MCC: variants seen among roughly 807,000 people sequenced by gnomAD.
MCC encodes MCC regulator of Wnt signaling pathway, also known as colorectal mutant cancer protein.
Under a neutral mutation model 116.2 loss-of-function variants are expected in MCC, and 90 were observed. That is an observed-to-expected ratio of 0.77 (90% CI 0.65 to 0.92). The LOEUF (loss-of-function observed/expected upper bound fraction) is 0.92. MCC is among the 40% of genes least tolerant of loss of function. MCC has a pLI of 0.00. For synonymous variants in MCC, 578 were observed against 510.5 expected (o/e 1.13, Z -1.78); for missense variants, 1,516 against 1,312.2 (o/e 1.16, Z -2.40).
chr5:113,290,077 G>C (rs1766424230), intron 3 of MCC, among the ~76,000 whole-genome samples: 1 of 152,194 alleles, frequency 6.6e-6, no homozygotes, highest in African/African-American at 2.4e-5. Flanking sequence ...CTTGGAGATA[G>C]TCACACAAGA....
chr5:113,473,430 G>A (rs1409588652), intron 1 of MCC, among the ~76,000 whole-genome samples: 13 of 152,166 alleles, frequency 8.5e-5, no homozygotes, highest in East Asian at 1.9e-4. Flanking sequence ...AGCCTGATGC[G>A]GGAGGGTTAC....
At chr5:113,487,066 T>C (rs985145963) in intron 1 of MCC, among the ~76,000 whole-genome samples, 1 of 152,186 alleles carries the variant, frequency 6.6e-6, no homozygotes, top group African/African-American at 2.4e-5. Context: ...AGTTTTCTGA[T>C]ATCTTCCTAA....
chr5:113,088,383 T>C (rs1755352564), intron 8 of MCC, among the ~76,000 whole-genome samples: 2 of 151,822 alleles, frequency 1.3e-5, no homozygotes, highest in African/African-American at 4.8e-5. Context: ...ACTTTTATTC[T>C]CACCCATTGT....
At position 113,226,519 on chromosome 5, in the gene MCC, A is replaced by G. The variant is rs192738736; in HGVS notation, c.628-75097T>C. On this transcript the variant is annotated intron_variant, in intron 3 of 18. Coordinates refer to ENST00000408903, the MANE Select transcript of MCC (RefSeq NM_001085377.2). ...TTCAAATGACAGCTTTTATTTTCAA[A>G]TTAAATTATGTGTGTGTTTAAATGC... Among the ~76,000 whole-genome samples the G allele has an allele frequency of 2.1e-4, 32 of 152,392 alleles. 1 individual carries two copies. Among genetic ancestry groups the G allele is most frequent in the Admixed American group, 5.9e-4 (9 of 15,304 alleles).
At chr5:113,385,342 G>C in intron 1 of MCC, 130 bp from the exon 2 acceptor site, 5 of 974,556 alleles carry the variant, frequency 5.1e-6, no homozygotes, top group Non-Finnish European at 7.6e-6. Flanking sequence ...CTTTCTCATT[G>C]TTTCTAGAAA....
chr5:113,483,914 G>A (rs1054211589), intron 1 of MCC, among the ~76,000 whole-genome samples: 9 of 152,086 alleles, frequency 5.9e-5, no homozygotes, highest in Non-Finnish European at 7.4e-5. Context: ...GGGACTGGAG[G>A]CCATTACCCT....
chr5:113,327,753 G>C (rs1285557055), intron 3 of MCC, among the ~76,000 whole-genome samples: 1 of 150,266 alleles, frequency 6.7e-6, no homozygotes, highest in Middle Eastern at 3.2e-3. Context: ...TGACATTTGG[G>C]CTTTTTAAGT....
chr5:113,168,228 T>C (rs1376194159), intron 3 of MCC, among the ~76,000 whole-genome samples: 2 of 152,216 alleles, frequency 1.3e-5, no homozygotes, highest in Non-Finnish European at 2.9e-5. Context: ...TGTACATGCT[T>C]GTGGAAACAA....
At chr5:113,442,052 T>G (rs2150415964) in intron 1 of MCC, among the ~76,000 whole-genome samples, 1 of 152,344 alleles carries the variant, frequency 6.6e-6, no homozygotes. Flanking sequence ...TTCTAGATCC[T>G]TGAGGAATCC....
At chr5:113,096,329 T>G (rs1756013809) in intron 8 of MCC, among the ~76,000 whole-genome samples, 1 of 152,142 alleles carries the variant, frequency 6.6e-6, no homozygotes, top group Non-Finnish European at 1.5e-5. Flanking sequence ...AATCATAATG[T>G]GGGGGAGTGT....
chr5:113,068,222 A>G, intron 12 of MCC, 39 bp from the exon 13 acceptor site: 1 of 1,504,552 alleles, frequency 6.6e-7, no homozygotes, highest in Non-Finnish European at 9.2e-7. Context: ...CTTGCAGAGA[A>G]CAGCGGACAC....
chr5:113,366,189 G>A (rs988697217), intron 2 of MCC, among the ~76,000 whole-genome samples: 8 of 152,058 alleles, frequency 5.3e-5, no homozygotes, highest in Non-Finnish European at 1.0e-4. Flanking sequence ...ATTCCTAGAT[G>A]TTCATTTGGT....
At chr5:113,028,836 G>C (rs1236525405) in intron 18 of MCC, 98 bp downstream of exon 18, 3 of 1,398,748 alleles carry the variant, frequency 2.1e-6, no homozygotes, top group Non-Finnish European at 2.9e-6. Flanking sequence ...TTAAGAGTTA[G>C]GGAAATGTCC....
At chr5:113,399,432 CAG>C (rs1769620210) in intron 1 of MCC, among the ~76,000 whole-genome samples, 1 of 152,056 alleles carries the variant, frequency 6.6e-6, no homozygotes, top group South Asian at 2.1e-4. Context: ...TTGCAGTGAG[CAG>C]AGATTGTGCC....
intron 3 of MCC, among the ~76,000 whole-genome samples, chr5:113,241,417 C>A (rs923168324): frequency 6.6e-6 from 1 of 152,184 alleles, no homozygotes; most frequent in Non-Finnish European, 1.5e-5. Context: ...AAAGAACCTA[C>A]GGAGGAGATA....
chr5:113,359,320 G>A (rs922045619), intron 2 of MCC, among the ~76,000 whole-genome samples: 1 of 152,148 alleles, frequency 6.6e-6, no homozygotes, highest in Non-Finnish European at 1.5e-5. Flanking sequence ...TTTTCTTACC[G>A]AAGCATGCTT....
intron 3 of MCC, among the ~76,000 whole-genome samples, chr5:113,220,880 CTT>C (rs965865471): frequency 3.3e-5 from 5 of 152,296 alleles, no homozygotes; most frequent in Admixed American, 3.3e-4. Context: ...GTGGTGAACA[CTT>C]TTAGTTGGCA....
At chr5:113,171,158 G>C (rs1375821605) in intron 3 of MCC, among the ~76,000 whole-genome samples, 1 of 151,862 alleles carries the variant, frequency 6.6e-6, no homozygotes, top group Non-Finnish European at 1.5e-5. Context: ...ATCACAGCAT[G>C]GTGCAAGATA....
chr5:113,277,484 A>G (rs80233902), intron 3 of MCC, among the ~76,000 whole-genome samples: 4,307 of 152,264 alleles, frequency 0.028, 204 homozygotes, highest in African/African-American at 0.098. Context: ...TCATGCCTGC[A>G]TACTCCTTAC....
Sources: gnomAD v4.1 joint callset for allele counts (sites outside exome capture counted in the v4.1 genomes callset) on GRCh38, gnomAD v4.1.1 for gene constraint, MANE v1.5 for transcripts, NCBI Gene and HGNC (gene_info 2026-07-23, HGNC 2026-07-21) for gene names.